NXPE2: variants seen among roughly 807,000 people sequenced by gnomAD.
NXPE2 encodes the protein neurexophilin and PC-esterase domain family member 2.
A neutral mutation model predicts 34.4 loss-of-function variants in NXPE2; 34 were observed. The ratio of observed to expected loss-of-function variants is 0.99; its 90% confidence interval spans 0.75 to 1.31. The LOEUF (loss-of-function observed/expected upper bound fraction) is 1.31. NXPE2 is among the 40% of genes most tolerant of loss of function. The pLI is 0.00. For missense variants in NXPE2, 649 were observed against 672.5 expected, an observed-to-expected ratio of 0.97 and a Z score of 0.39; for synonymous variants, 235 against 231.3, an observed-to-expected ratio of 1.02 and a Z score of -0.15.
At chr11:114,592,559 C>G in the NXPE2 span, among the ~76,000 whole-genome samples, 1 of 151,616 alleles carries the variant, frequency 6.6e-6, no homozygotes, top group Non-Finnish European at 1.5e-5. Context: ...AATAGATATT[C>G]CATGTTAATG....
At chr11:114,566,198 T>G in the NXPE2 span, among the ~76,000 whole-genome samples, 5 of 152,042 alleles carry the variant, frequency 3.3e-5, no homozygotes, top group Admixed American at 6.6e-5. Flanking sequence ...AGACAAATAC[T>G]TACAAGTTAT....
the NXPE2 span, among the ~76,000 whole-genome samples, chr11:114,638,185 A>C: frequency 2.7e-5 from 4 of 149,766 alleles, no homozygotes; most frequent in Non-Finnish European, 6.0e-5. Flanking sequence ...TTTTCTCTAA[A>C]CTTCCCTTCT....
At chr11:114,492,562 G>A in the NXPE2 span, among the ~76,000 whole-genome samples, 3 of 148,254 alleles carry the variant, frequency 2.0e-5, no homozygotes, top group Non-Finnish European at 4.4e-5. Context: ...TTTTTGACAC[G>A]GAGTCTTGCT....
chr11:114,471,429 G>A, the NXPE2 span, among the ~76,000 whole-genome samples: 2 of 152,086 alleles, frequency 1.3e-5, no homozygotes, highest in Non-Finnish European at 2.9e-5. Flanking sequence ...ACATATAAGT[G>A]TATAAATAAC....
At chr11:114,755,072 G>A in the NXPE2 span, among the ~76,000 whole-genome samples, 1 of 152,176 alleles carries the variant, frequency 6.6e-6, no homozygotes, top group East Asian at 1.9e-4. Context: ...GTATGAGCCT[G>A]ACTGAAGGGT....
chr11:114,639,837 T>TAAATATAAAATATAATATATATTATATG, the NXPE2 span, among the ~76,000 whole-genome samples: 1 of 113,626 alleles, frequency 8.8e-6, no homozygotes, highest in Admixed American at 1.2e-4. Context: ...TATATTATAT[T>TAAATATAAAATATAATATATATTATATG]AAATATAAAA....
At chr11:114,549,818 T>A in the NXPE2 span, among the ~76,000 whole-genome samples, 5 of 151,972 alleles carry the variant, frequency 3.3e-5, no homozygotes, top group Non-Finnish European at 5.9e-5. Context: ...TTGTTATTTA[T>A]CTGAAAAACC....
At chr11:114,620,710 G>A in the NXPE2 span, among the ~76,000 whole-genome samples, 1 of 152,080 alleles carries the variant, frequency 6.6e-6, no homozygotes, top group South Asian at 2.1e-4. Flanking sequence ...TGGATAATAA[G>A]TACTGCCTCT....
the NXPE2 span, among the ~76,000 whole-genome samples, chr11:114,619,981 T>C: frequency 2.7e-5 from 4 of 150,846 alleles, no homozygotes; most frequent in African/African-American, 9.7e-5. Context: ...CACTGTTACC[T>C]GGTGGATAGT....
At chr11:114,580,068 C>T in the NXPE2 span, 4 of 1,343,638 alleles carry the variant, frequency 3.0e-6, no homozygotes, top group East Asian at 2.3e-5. Flanking sequence ...ATTCCCTTCT[C>T]CCCTTTGAAA....
At chr11:114,501,341 T>A in the NXPE2 span, among the ~76,000 whole-genome samples, 1 of 152,188 alleles carries the variant, frequency 6.6e-6, no homozygotes, top group East Asian at 1.9e-4. Flanking sequence ...AGCAAAAAGC[T>A]GTTACTCTCT....
At chr11:114,712,565 G>C in the NXPE2 span, among the ~76,000 whole-genome samples, 17 of 152,126 alleles carry the variant, frequency 1.1e-4, no homozygotes, top group Non-Finnish European at 4.4e-5. Flanking sequence ...ATTACAATGA[G>C]GTATCACCTC....
chr11:114,540,142 A>C, the NXPE2 span, among the ~76,000 whole-genome samples: 6 of 152,188 alleles, frequency 3.9e-5, no homozygotes, highest in Non-Finnish European at 7.3e-5. Flanking sequence ...TTTTTAGTAG[A>C]GATGGGGTTT....
chr11:114,480,766 G>A, the NXPE2 span, among the ~76,000 whole-genome samples: 1 of 152,086 alleles, frequency 6.6e-6, no homozygotes, highest in Non-Finnish European at 1.5e-5. Flanking sequence ...TGGGCCTGAA[G>A]CCCACTATTC....
chr11:114,531,506 C>G, the NXPE2 span, among the ~76,000 whole-genome samples: 1 of 152,132 alleles, frequency 6.6e-6, no homozygotes, highest in Non-Finnish European at 1.5e-5. Flanking sequence ...TAAACCAGTC[C>G]TTTTTAAAGC....
chr11:114,739,309 TTC>T, the NXPE2 span, among the ~76,000 whole-genome samples: 1 of 68,796 alleles, frequency 1.5e-5, no homozygotes, highest in Non-Finnish European at 3.2e-5. Context: ...CCTTCCTTCC[TTC>T]CTTCCTTCCT....
chr11:114,490,089 G>A, the NXPE2 span, among the ~76,000 whole-genome samples: 291 of 152,256 alleles, frequency 1.9e-3, no homozygotes, highest in African/African-American at 6.8e-3. Flanking sequence ...CAAATCATGA[G>A]TGAACTCCCA....
At chr11:114,774,833 C>G in the NXPE2 span, among the ~76,000 whole-genome samples, 1 of 152,202 alleles carries the variant, frequency 6.6e-6, no homozygotes, top group Non-Finnish European at 1.5e-5. Context: ...CCAAAGGGGG[C>G]GCTCTAACAT....
the NXPE2 span, among the ~76,000 whole-genome samples, chr11:114,469,304 G>T: frequency 1.3e-5 from 2 of 151,024 alleles, no homozygotes; most frequent in Non-Finnish European, 2.9e-5. Context: ...TAGTAGAGAC[G>T]GGGTTTCACC....
Sources: allele counts gnomAD v4.1 joint callset (sites outside exome capture counted in the v4.1 genomes callset), GRCh38; gene constraint gnomAD v4.1.1; transcripts MANE v1.5; gene names NCBI Gene and HGNC (gene_info 2026-07-23, HGNC 2026-07-21).